Variants in LRRC4C observed in about 807,000 individuals in gnomAD.
The protein encoded by LRRC4C is leucine rich repeat containing 4C, also known as leucine-rich repeat-containing protein 4C.
In LRRC4C, 5 loss-of-function variants were observed where a neutral mutation model predicts 33.6. The observed-to-expected ratio is 0.15, with a 90% CI of 0.08 to 0.31. The LOEUF is 0.31. Among genes scored for constraint, LRRC4C ranks in the 10% least tolerant of loss-of-function variants. The pLI, the probability that LRRC4C is intolerant of heterozygous loss-of-function variation, is 1.00. For synonymous variants in LRRC4C, 329 were observed against 302.0 expected (o/e 1.09, Z -0.93); for missense variants, 560 against 796.7 (o/e 0.70, Z 3.58).
chr11:40,987,663 T>TATATA (rs1565274573), intron 1 of LRRC4C, among the ~76,000 whole-genome samples: 1 of 78,214 alleles, frequency 1.3e-5, no homozygotes, highest in South Asian at 3.9e-4. Flanking sequence ...CTCATATATA[T>TATATA]GAGATATAAA....
intron 1 of LRRC4C, among the ~76,000 whole-genome samples, chr11:41,322,163 C>T (rs1950978198): frequency 6.6e-6 from 1 of 151,930 alleles, no homozygotes; most frequent in Non-Finnish European, 1.5e-5. Flanking sequence ...CCGTGCCTGG[C>T]CTTATGTTAA....
At chr11:41,236,590 T>C (rs974453370) in intron 1 of LRRC4C, among the ~76,000 whole-genome samples, 3 of 151,978 alleles carry the variant, frequency 2.0e-5, no homozygotes, top group Admixed American at 6.6e-5. Context: ...AAAAAACCTA[T>C]TTCATAGGTT....
intron 3 of LRRC4C, among the ~76,000 whole-genome samples, chr11:40,373,517 T>G (rs1948542054): frequency 6.6e-6 from 1 of 152,146 alleles, no homozygotes; most frequent in Admixed American, 6.5e-5. Context: ...AATATACACT[T>G]TCTAAATGAA....
chr11:41,332,967 C>G (rs537831833), intron 1 of LRRC4C, among the ~76,000 whole-genome samples: 1 of 152,160 alleles, frequency 6.6e-6, no homozygotes, highest in African/African-American at 2.4e-5. Context: ...AACAAAGCAA[C>G]AGCTTCTCTT....
intron 2 of LRRC4C, among the ~76,000 whole-genome samples, chr11:40,920,924 GTT>G (rs35422765): frequency 6.9e-6 from 1 of 145,196 alleles, no homozygotes; most frequent in Non-Finnish European, 1.5e-5. Flanking sequence ...CATAATCAAG[GTT>G]TTTTTTTTTT....
intron 3 of LRRC4C, among the ~76,000 whole-genome samples, chr11:40,553,911 GTTTC>G (rs1957226554): frequency 6.6e-6 from 1 of 151,254 alleles, no homozygotes; most frequent in South Asian, 2.1e-4. Context: ...TCTGTTGATA[GTTTC>G]TTTTTTGTGT....
At chr11:40,400,276 G>C (rs1273794755) in intron 3 of LRRC4C, among the ~76,000 whole-genome samples, 1 of 152,112 alleles carries the variant, frequency 6.6e-6, no homozygotes, top group African/African-American at 2.4e-5. Context: ...AAACTGGAGA[G>C]AGAGCTCTCC....
chr11:40,188,664 A>C (rs766705471), intron 5 of LRRC4C, among the ~76,000 whole-genome samples: 1 of 152,158 alleles, frequency 6.6e-6, no homozygotes, highest in African/African-American at 2.4e-5. Flanking sequence ...CTCATGCTCT[A>C]TAAACCAGGG....
At chr11:40,777,273 T>G (rs532899587) in intron 2 of LRRC4C, among the ~76,000 whole-genome samples, 2 of 152,330 alleles carry the variant, frequency 1.3e-5, no homozygotes, top group South Asian at 2.1e-4. Flanking sequence ...CCAGGATTTT[T>G]GTTGTTAGTT....
intron 1 of LRRC4C, among the ~76,000 whole-genome samples, chr11:40,952,729 TCA>T (rs1958753026): frequency 6.6e-6 from 1 of 151,838 alleles, no homozygotes; most frequent in South Asian, 2.1e-4. Flanking sequence ...TTGCAGCTCT[TCA>T]CACAGATCTT....
chr11:40,144,116 C>G (rs148989196), intron 5 of LRRC4C, among the ~76,000 whole-genome samples: 121 of 152,174 alleles, frequency 8.0e-4, no homozygotes, highest in African/African-American at 2.9e-3. Context: ...ATTTCCTCAT[C>G]TGTAAAATTA....
rs368572082 is a variant in LRRC4C, at chr11:40,991,290, C to A, written c.-495-57567G>T. Among the ~76,000 whole-genome samples, 81 of 147,186 alleles carry A rather than the reference C, an allele frequency of 5.5e-4. 3 individuals carry two copies. The South Asian group carries it at 0.017, about 31-fold the overall frequency. On this transcript the variant is annotated intron_variant, in intron 1 of 6. Coordinates refer to ENST00000528697, the MANE Select transcript of LRRC4C (RefSeq NM_001258419.2). ...AATACTGTATAATAAAATTTGTCAA[C>A]ATTTAAACCTGTATAACTCAGTGAA...
chr11:40,829,248 A>T (rs1261814170), intron 2 of LRRC4C, among the ~76,000 whole-genome samples: 2 of 152,018 alleles, frequency 1.3e-5, no homozygotes. Flanking sequence ...GATGGGAAAA[A>T]AATTGAAAAT....
chr11:40,572,572 A>G (rs764004150), intron 3 of LRRC4C, among the ~76,000 whole-genome samples: 10 of 152,234 alleles, frequency 6.6e-5, no homozygotes, highest in Non-Finnish European at 1.0e-4. Context: ...AGACCTAGTC[A>G]TAATACAGGA....
At chr11:41,122,031 T>C (rs993410933) in intron 1 of LRRC4C, among the ~76,000 whole-genome samples, 2 of 152,058 alleles carry the variant, frequency 1.3e-5, no homozygotes, top group Non-Finnish European at 2.9e-5. Context: ...TAACGTCAAA[T>C]TTGTGGTACA....
intron 2 of LRRC4C, among the ~76,000 whole-genome samples, chr11:40,877,705 G>T (rs1393484094): frequency 6.6e-6 from 1 of 152,172 alleles, no homozygotes; most frequent in Non-Finnish European, 1.5e-5. Context: ...TCTCAGTGCA[G>T]ACACATTTGA....
intron 1 of LRRC4C, among the ~76,000 whole-genome samples, chr11:41,126,400 G>A (rs1942744449): frequency 6.6e-6 from 1 of 151,832 alleles, no homozygotes; most frequent in Admixed American, 6.6e-5. Flanking sequence ...TTGCAATAGG[G>A]ATCCTCATTC....
intron 1 of LRRC4C, among the ~76,000 whole-genome samples, chr11:41,040,010 C>G (rs1857331432): frequency 6.6e-6 from 1 of 151,636 alleles, no homozygotes; most frequent in Non-Finnish European, 1.5e-5. Context: ...TGGTGGCGGA[C>G]CCCTGTAGTC....
chr11:40,550,580 T>C (rs1346383468), intron 3 of LRRC4C, among the ~76,000 whole-genome samples: 1 of 152,190 alleles, frequency 6.6e-6, no homozygotes, highest in Non-Finnish European at 1.5e-5. Flanking sequence ...GACAGATGGA[T>C]GAATATTAAT....
Sources: gnomAD v4.1 joint callset for allele counts (sites outside exome capture counted in the v4.1 genomes callset) on GRCh38, gnomAD v4.1.1 for gene constraint, MANE v1.5 for transcripts, NCBI Gene and HGNC (gene_info 2026-07-23, HGNC 2026-07-21) for gene names.